SLC25A48: variants seen among roughly 807,000 people sequenced by gnomAD.
SLC25A48 encodes the protein solute carrier family 25 member 48, also known as CTC-321K16.1.
Under a neutral mutation model 32.2 loss-of-function variants are expected in SLC25A48, and 29 were observed. That is an observed-to-expected ratio of 0.90 (90% CI 0.67 to 1.23). The LOEUF (loss-of-function observed/expected upper bound fraction) is 1.23, where lower values mean the gene tolerates loss of function less well. SLC25A48 is among the 50% of genes most tolerant of loss of function. The pLI is 0.00. For synonymous variants in SLC25A48, 164 were observed against 172.3 expected (o/e 0.95, Z 0.38); for missense variants, 399 against 422.7 (o/e 0.94, Z 0.49).
intron 1 of SLC25A48, chr5:135,835,281 T>G: frequency 4.5e-6 from 2 of 448,678 alleles, no homozygotes; most frequent in African/African-American, 2.0e-5. Flanking sequence ...AGGGTAGCGC[T>G]TGGCTGCTGA....
At chr5:135,734,397 T>A (rs1025967962) in intron 3 of SLC25A48, among the ~76,000 whole-genome samples, 21 of 152,070 alleles carry the variant, frequency 1.4e-4, no homozygotes, top group Non-Finnish European at 2.5e-4. Context: ...AAGAATGTTG[T>A]CCAAGTTGGC....
intron 1 of SLC25A48, among the ~76,000 whole-genome samples, chr5:135,603,905 G>A (rs1037018882): frequency 2.3e-4 from 35 of 152,024 alleles, no homozygotes; most frequent in Admixed American, 1.1e-3. Context: ...AACCTCTACC[G>A]GGATCAGGCC....
intron 6 of SLC25A48, among the ~76,000 whole-genome samples, chr5:135,878,667 G>C (rs1316201498): frequency 6.6e-6 from 1 of 152,184 alleles, no homozygotes; most frequent in East Asian, 1.9e-4. Context: ...ACAGTGCCCA[G>C]AGACTGAGGA....
At chr5:135,776,353 G>T (rs1436008548) in intron 3 of SLC25A48, among the ~76,000 whole-genome samples, 4 of 151,688 alleles carry the variant, frequency 2.6e-5, no homozygotes, top group African/African-American at 7.3e-5. Context: ...TAATATAAAG[G>T]GGAAGAGAGG....
chr5:135,879,951 C>T lies in SLC25A48; in HGVS notation c.814-17C>T. The T allele has an allele frequency of 6.5e-7, 1 of 1,536,178 alleles. No homozygotes were observed. Among genetic ancestry groups the T allele is most frequent in the Non-Finnish European group, 8.7e-7 (1 of 1,146,834 alleles). ...GTGTGGGTCAGTCCCCTGCAATAAC[C>T]TGGCCCCTGTGCAAAGGTGTTTTTC... On this transcript the variant is annotated splice_polypyrimidine_tract_variant and intron_variant, in intron 6 of 7. Coordinates refer to ENST00000681962, the MANE Select transcript of SLC25A48 (RefSeq NM_001349336.2).
chr5:135,656,157 A>T (rs939385931), intron 3 of SLC25A48, among the ~76,000 whole-genome samples: 2 of 152,168 alleles, frequency 1.3e-5, no homozygotes, highest in African/African-American at 4.8e-5. Flanking sequence ...ATTAATTTTT[A>T]AAATAAGCTC....
chr5:135,813,395 G>A (rs556654662), intron 4 of SLC25A48, among the ~76,000 whole-genome samples: 1 of 152,290 alleles, frequency 6.6e-6, no homozygotes, highest in South Asian at 2.1e-4. Flanking sequence ...TTGAAGACAG[G>A]GCCAGAAGTG....
intron 3 of SLC25A48, among the ~76,000 whole-genome samples, chr5:135,750,701 G>A (rs1755750376): frequency 6.6e-6 from 1 of 152,102 alleles, no homozygotes; most frequent in East Asian, 1.9e-4. Flanking sequence ...GCGCCCCCAG[G>A]TGGTAGACTG....
At chr5:135,729,519 G>T (rs1402672324) in intron 3 of SLC25A48, among the ~76,000 whole-genome samples, 1 of 152,132 alleles carries the variant, frequency 6.6e-6, no homozygotes, top group East Asian at 1.9e-4. Context: ...TAAACCAAGG[G>T]TCATCTGTAA....
In SLC25A48 at chr5:135,806,682, A is replaced by G. The variant is rs186987363; in HGVS notation, c.-520-5841A>G. Among the ~76,000 whole-genome samples, 712 of 150,456 alleles carry G rather than the reference A, an allele frequency of 4.7e-3. 5 individuals carry two copies. The highest frequency in any genetic ancestry group is 4.8e-3 in the Non-Finnish European group (322 of 67,370). Reference sequence around the variant, plus strand: ...TGTGTGTTAATACTAGATATTATAAATATCATGGATATTTCATTAATATAC... The same window carrying G: ...TGTGTGTTAATACTAGATATTATAAGTATCATGGATATTTCATTAATATAC... On this transcript the variant is annotated intron_variant, in intron 3 of 10. Coordinates refer to the SLC25A48 transcript ENST00000646290.
chr5:135,745,725 C>T (rs1364036109), intron 3 of SLC25A48, among the ~76,000 whole-genome samples: 1 of 152,140 alleles, frequency 6.6e-6, no homozygotes, highest in Non-Finnish European at 1.5e-5. Context: ...AGCTAAACTC[C>T]ACTAGGGCAG....
At chr5:135,675,527 T>C (rs2126945630) in intron 3 of SLC25A48, among the ~76,000 whole-genome samples, 1 of 152,238 alleles carries the variant, frequency 6.6e-6, no homozygotes, top group East Asian at 1.9e-4. Context: ...CGTGGACTTA[T>C]TCCTGGATTC....
chr5:135,777,762 CT>C (rs1756604006), intron 3 of SLC25A48, among the ~76,000 whole-genome samples: 1 of 139,876 alleles, frequency 7.1e-6, no homozygotes, highest in Non-Finnish European at 1.6e-5. Flanking sequence ...GTACAACCCC[CT>C]GTGATATTAT....
chr5:135,724,524 G>A (rs1755043128), intron 3 of SLC25A48, among the ~76,000 whole-genome samples: 1 of 152,234 alleles, frequency 6.6e-6, no homozygotes, highest in Non-Finnish European at 1.5e-5. Context: ...CTCTCTTTGG[G>A]TAGAAAAGCC....
chr5:135,768,367 A>G (rs1472254686), intron 3 of SLC25A48, among the ~76,000 whole-genome samples: 1 of 151,258 alleles, frequency 6.6e-6, no homozygotes, highest in Non-Finnish European at 1.5e-5. Context: ...GATACTGTTC[A>G]CAATATCCAG....
At chr5:135,827,536 T>G in intron 4 of SLC25A48, 1 of 152,212 alleles carries the variant, frequency 6.6e-6, no homozygotes, top group East Asian at 1.9e-4. Flanking sequence ...AAGGTACCCT[T>G]GCCAGGAAAA....
intron 3 of SLC25A48, among the ~76,000 whole-genome samples, chr5:135,701,094 C>A (rs1291445295): frequency 6.6e-6 from 1 of 152,146 alleles, no homozygotes; most frequent in Non-Finnish European, 1.5e-5. Context: ...GTATTGTCAG[C>A]CACCAGTTCC....
chr5:135,767,631 C>T (rs1194313709), intron 3 of SLC25A48, among the ~76,000 whole-genome samples: 1 of 151,398 alleles, frequency 6.6e-6, no homozygotes, highest in African/African-American at 2.4e-5. Flanking sequence ...GTACACCCGC[C>T]AGTAATATTG....
upstream of SLC25A48, among the ~76,000 whole-genome samples, chr5:135,833,657 G>A (rs539042344): frequency 4.4e-4 from 67 of 152,182 alleles, no homozygotes; most frequent in Middle Eastern, 3.4e-3. Context: ...TAGCCAGGCC[G>A]GCGACTCCAT....
Sources: allele counts gnomAD v4.1 joint callset (sites outside exome capture counted in the v4.1 genomes callset), GRCh38; gene constraint gnomAD v4.1.1; transcripts MANE v1.5; gene names NCBI Gene and HGNC (gene_info 2026-07-23, HGNC 2026-07-21).